ROCK2: variants seen among roughly 807,000 people sequenced by gnomAD.
The protein encoded by ROCK2 is rho-associated protein kinase 2.
ROCK2 carries 61 observed loss-of-function variants against 195.1 expected under a neutral mutation model. The ratio of observed to expected loss-of-function variants is 0.31; its 90% confidence interval spans 0.25 to 0.39. The LOEUF is 0.39. ROCK2 is among the 10% of genes least tolerant of loss of function. The pLI is 1.00. For missense variants in ROCK2, 1,109 were observed against 1,637.4 expected (o/e 0.68, Z 5.57); for synonymous variants, 504 against 545.5 (o/e 0.92, Z 1.06).
intron 4 of ROCK2, among the ~76,000 whole-genome samples, chr2:11,245,957 C>A (rs1194694573): frequency 6.6e-6 from 1 of 152,140 alleles, no homozygotes; most frequent in African/African-American, 2.4e-5. Context: ...GTGAACTGCA[C>A]CCTGAGTAAC....
rs558205571 is a variant in ROCK2 at position 11,225,126 on chromosome 2, ATATAGC to A, written c.869-672_869-667del. On this transcript the variant is annotated intron_variant, in intron 6 of 32. Coordinates refer to ENST00000315872, the MANE Select transcript of ROCK2 (RefSeq NM_004850.5). ...CAGACTGTGACTAGCTTAAAATGAC[ATATAGC>A]TAGAGTTGAAAGAGGGAAGAAATGG... 2.9e-3 allele frequency among the ~76,000 whole-genome samples: 443 copies of A among 152,312 alleles called. 3 individuals carry two copies. The highest frequency in any genetic ancestry group is 5.4e-3 in the Non-Finnish European group (368 of 68,026).
Position 11,324,159 on chromosome 2 carries a change from G to A in ROCK2, c.141+19837C>T, listed in dbSNP as rs190288389. On this transcript the variant is annotated intron_variant, in intron 1 of 32. Transcript: ENST00000315872. ...AGGAGTTAAAAACTTATGTTCAGCC[G>A]GGCACGGTGGCTCACGCCTGTAATC... 1.2e-4 allele frequency among the ~76,000 whole-genome samples: 19 copies of A among 152,292 alleles called. No individual in the cohort carries two copies. In the East Asian group the frequency reaches 3.5e-3, roughly 28 times the overall value.
intron 1 of ROCK2, among the ~76,000 whole-genome samples, chr2:11,288,016 GTCT>G (rs1332325241): frequency 1.3e-5 from 2 of 152,148 alleles, no homozygotes; most frequent in Admixed American, 6.6e-5. Flanking sequence ...CTAGACAGAT[GTCT>G]TCTTTTCTCT....
At chr2:11,275,046 C>G (rs1268176826) in intron 3 of ROCK2, among the ~76,000 whole-genome samples, 2 of 152,178 alleles carry the variant, frequency 1.3e-5, no homozygotes, top group African/African-American at 2.4e-5. Context: ...CCCCTGAGGT[C>G]AGGAGGTCGA....
chr2:11,321,251 C>T (rs1259877644), intron 1 of ROCK2, among the ~76,000 whole-genome samples: 2 of 152,164 alleles, frequency 1.3e-5, no homozygotes, highest in Non-Finnish European at 2.9e-5. Flanking sequence ...TCTCAGCTCG[C>T]TGCAACCTCC....
chr2:11,286,719 T>C lies in ROCK2; in HGVS notation c.224-80A>G. ...TAATCAACATTTATAAATATATTTT[T>C]GTTTCAAGAAAAGACAGTTTTTAGC... On this transcript the variant is annotated intron_variant, in intron 2 of 32. Coordinates refer to ENST00000315872, the MANE Select transcript of ROCK2 (RefSeq NM_004850.5). The C allele has an allele frequency of 3.3e-6, 3 of 899,798 alleles. No individual in the cohort carries two copies. In the East Asian group the frequency reaches 8.6e-5, roughly 26 times the overall value. The allele number at this position is 899,798 out of a possible 1,614,324, so 55.7% of individuals were successfully genotyped here. A position where few individuals can be genotyped will look rare whatever the true frequency, so the allele number is the denominator to read the frequency against.
At chr2:11,266,175 C>T (rs762338502) in intron 3 of ROCK2, among the ~76,000 whole-genome samples, 1 of 152,216 alleles carries the variant, frequency 6.6e-6, no homozygotes, top group Non-Finnish European at 1.5e-5. Context: ...ACAATGCCTT[C>T]TCCTGGAATC....
At chr2:11,339,490 G>A (rs1029038037) in intron 1 of ROCK2, among the ~76,000 whole-genome samples, 12 of 149,654 alleles carry the variant, frequency 8.0e-5, no homozygotes, top group Admixed American at 4.0e-4. Flanking sequence ...AATTATTCAC[G>A]TGAGCTCCAG....
At chr2:11,198,809 C>T in intron 23 of ROCK2, 35 bp from the exon 24 acceptor site, 1 of 1,099,674 alleles carries the variant, frequency 9.1e-7, no homozygotes, top group South Asian at 1.4e-5. Flanking sequence ...AATCACATCC[C>T]AATTTACACA....
chr2:11,232,063 T>C (rs979416050), intron 5 of ROCK2, among the ~76,000 whole-genome samples: 4 of 152,178 alleles, frequency 2.6e-5, no homozygotes, highest in African/African-American at 9.7e-5. Context: ...ATTTCTGGCA[T>C]GTAAGCTGTA....
At chr2:11,263,304 A>G (rs1558338571) in intron 3 of ROCK2, among the ~76,000 whole-genome samples, 1 of 152,192 alleles carries the variant, frequency 6.6e-6, no homozygotes, top group Non-Finnish European at 1.5e-5. Context: ...AAAACTTTCT[A>G]CATTCAAGTT....
At chr2:11,269,617 T>C (rs1041556595) in intron 3 of ROCK2, among the ~76,000 whole-genome samples, 2 of 152,228 alleles carry the variant, frequency 1.3e-5, no homozygotes, top group African/African-American at 2.4e-5. Context: ...GAATGGCCTA[T>C]ATACATTTTC....
At chr2:11,280,438 A>G (rs926315687) in intron 3 of ROCK2, among the ~76,000 whole-genome samples, 1 of 151,672 alleles carries the variant, frequency 6.6e-6, no homozygotes, top group African/African-American at 2.4e-5. Context: ...AGCCTGGGCA[A>G]CATGGTGAAA....
intron 1 of ROCK2, among the ~76,000 whole-genome samples, chr2:11,319,717 G>T (rs1572403684): frequency 6.6e-6 from 1 of 152,004 alleles, no homozygotes; most frequent in Non-Finnish European, 1.5e-5. Context: ...TGCCCATTCA[G>T]TATCATATTG....
At chr2:11,210,388 T>TGA (rs1664207970) in intron 18 of ROCK2, among the ~76,000 whole-genome samples, 1 of 151,996 alleles carries the variant, frequency 6.6e-6, no homozygotes, top group African/African-American at 2.4e-5. Context: ...GATGCAATCA[T>TGA]GGCTCACTGC....
intron 1 of ROCK2, chr2:11,308,830 A>G (rs1240100128): frequency 3.7e-5 from 59 of 1,611,650 alleles, no homozygotes; most frequent in Non-Finnish European, 4.6e-5. Flanking sequence ...AACTTGGGCC[A>G]AATGTAATAG....
In ROCK2 at chr2:11,249,553, C is replaced by T. The variant is rs373356930; in HGVS notation, c.462+108G>A. ...ATCAAATCTCCTAAAAATAACTGCA[C>T]TGTTACCATGTAAATGAAGCATAAG... On this transcript the variant is annotated intron_variant, in intron 4 of 32. Transcript: ENST00000315872. 2.0e-5 allele frequency: 17 copies of T among 848,390 alleles called. No homozygotes were observed. In the East Asian group the frequency reaches 4.4e-4, roughly 22 times the overall value. The allele number at this position is 848,390 out of a possible 1,614,324, so 52.6% of individuals were successfully genotyped here.
intron 15 of ROCK2, 112 bp downstream of exon 15, chr2:11,215,209 A>T (rs1447620347): frequency 4.3e-5 from 63 of 1,456,964 alleles, no homozygotes; most frequent in Non-Finnish European, 5.4e-5. Flanking sequence ...ATATTTTCCA[A>T]ATGATTTCTA....
At chr2:11,240,992 A>G (rs1665407535) in intron 4 of ROCK2, among the ~76,000 whole-genome samples, 1 of 152,198 alleles carries the variant, frequency 6.6e-6, no homozygotes, top group Non-Finnish European at 1.5e-5. Context: ...CTCAACAACA[A>G]CTTTCAAAGA....
Sources: gnomAD v4.1 joint callset for allele counts (sites outside exome capture counted in the v4.1 genomes callset) on GRCh38, gnomAD v4.1.1 for gene constraint, MANE v1.5 for transcripts, NCBI Gene and HGNC (gene_info 2026-07-23, HGNC 2026-07-21) for gene names.